NCOR1: variants seen among roughly 807,000 people sequenced by gnomAD.
The protein encoded by NCOR1 is protein phosphatase 1, regulatory subunit 109.
A neutral mutation model predicts 288.1 loss-of-function variants in NCOR1; 63 were observed. That is an observed-to-expected ratio of 0.22 (90% CI 0.18 to 0.27). NCOR1 has a LOEUF of 0.27. Among genes scored for constraint, NCOR1 ranks in the 10% least tolerant of loss-of-function variants. NCOR1 has a pLI of 1.00. For synonymous variants in NCOR1, 1,007 were observed against 1,065.9 expected, an observed-to-expected ratio of 0.94 and a Z score of 1.08; for missense variants, 2,397 against 3,019.2, an observed-to-expected ratio of 0.79 and a Z score of 4.83.
intron 2 of NCOR1, among the ~76,000 whole-genome samples, chr17:16,193,831 G>A (rs917131797): frequency 9.2e-5 from 14 of 152,078 alleles, no homozygotes; most frequent in Non-Finnish European, 1.9e-4. Flanking sequence ...GGAGGACCCT[G>A]TAGTACATTC....
chr17:16,179,996 A>G (rs1358852775), intron 3 of NCOR1, among the ~76,000 whole-genome samples: 1 of 151,194 alleles, frequency 6.6e-6, no homozygotes, highest in African/African-American at 2.4e-5. Context: ...TCAATAAAAT[A>G]TTAACAAACT....
intron 41 of NCOR1, among the ~76,000 whole-genome samples, chr17:16,048,290 C>T (rs919376857): frequency 3.3e-5 from 5 of 152,030 alleles, no homozygotes; most frequent in African/African-American, 9.7e-5. Flanking sequence ...AAGCTGAATG[C>T]GCAGCATACA....
chr17:16,201,058 G>A (rs1026006015), intron 1 of NCOR1, among the ~76,000 whole-genome samples: 7 of 151,996 alleles, frequency 4.6e-5, no homozygotes, highest in Non-Finnish European at 8.8e-5. Flanking sequence ...TCCCTTTGGG[G>A]GGAAAAAAAA....
At position 16,200,333 on chromosome 17, in the gene NCOR1, C is replaced by T. The variant is rs2090598948; in HGVS notation, c.-70-5694G>A. Among the ~76,000 whole-genome samples the T allele has an allele frequency of 2.6e-5, 4 of 151,108 alleles. No individual in the cohort carries two copies. The South Asian group carries it at 6.3e-4, about 24-fold the overall frequency. Reference sequence around the variant, plus strand: ...AAACTCCATCTCTACTAAAACACACCCACAAAAAAAAAAATTAGCCGGACA... The same window carrying T: ...AAACTCCATCTCTACTAAAACACACTCACAAAAAAAAAAATTAGCCGGACA... On this transcript the variant is annotated intron_variant, in intron 1 of 45. Coordinates refer to ENST00000268712, the MANE Select transcript of NCOR1 (RefSeq NM_006311.4).
At position 16,080,595 on chromosome 17, in the gene NCOR1, T is replaced by C; in HGVS notation, c.3298+12A>G. 1.2e-6 allele frequency: 2 copies of C among 1,614,136 alleles called. No individual in the cohort carries two copies. Among genetic ancestry groups the C allele is most frequent in the Non-Finnish European group, 1.7e-6 (2 of 1,180,000 alleles). ...AAACGTAGATGCATTATGACTGTAT[T>C]AACTCACTGACCTGATTTGGCAGAT... On this transcript the variant is annotated intron_variant, in intron 24 of 45. Coordinates refer to ENST00000268712, the MANE Select transcript of NCOR1 (RefSeq NM_006311.4).
chr17:16,119,234 AG>A (rs2072456329), intron 17 of NCOR1, among the ~76,000 whole-genome samples, 188 bp downstream of exon 17: 1 of 152,222 alleles, frequency 6.6e-6, no homozygotes, highest in Admixed American at 6.5e-5. Context: ...ATCTTAAACA[AG>A]GCACACTGGG....
intron 18 of NCOR1, among the ~76,000 whole-genome samples, chr17:16,113,618 C>A (rs765756359): frequency 6.6e-6 from 1 of 152,096 alleles, no homozygotes; most frequent in African/African-American, 2.4e-5. Flanking sequence ...TCTGGCCAGG[C>A]GCGGTGGCTC....
intron 19 of NCOR1, among the ~76,000 whole-genome samples, chr17:16,105,736 C>A (rs946866259): frequency 2.0e-5 from 3 of 151,966 alleles, no homozygotes; most frequent in African/African-American, 7.3e-5. Flanking sequence ...AACAAACAAA[C>A]AAACAAACAA....
intron 1 of NCOR1, among the ~76,000 whole-genome samples, chr17:16,199,863 T>C (rs1341306614): frequency 6.6e-6 from 1 of 152,224 alleles, no homozygotes; most frequent in Admixed American, 6.5e-5. Context: ...AATAATTATA[T>C]GTCACTGTCA....
chr17:16,091,084 A>G (rs1429450972), intron 22 of NCOR1, among the ~76,000 whole-genome samples: 1 of 152,212 alleles, frequency 6.6e-6, no homozygotes, highest in Non-Finnish European at 1.5e-5. Flanking sequence ...TTTTTAAAGA[A>G]AGTAAAAGTG....
intron 14 of NCOR1, among the ~76,000 whole-genome samples, chr17:16,127,609 ATG>A (rs1189602301): frequency 1.4e-5 from 2 of 143,590 alleles, no homozygotes; most frequent in East Asian, 4.0e-4. Context: ...ATACATACAT[ATG>A]TGTATGTGTA....
chr17:16,076,441 G>A (rs547263484), intron 26 of NCOR1, among the ~76,000 whole-genome samples: 95 of 152,148 alleles, frequency 6.2e-4, no homozygotes, highest in Admixed American at 1.1e-3. Flanking sequence ...GCCGGCCATC[G>A]GAAGTTGACA....
intron 22 of NCOR1, among the ~76,000 whole-genome samples, chr17:16,091,298 C>T (rs188256880): frequency 6.6e-6 from 1 of 152,284 alleles, no homozygotes; most frequent in Admixed American, 6.5e-5. Context: ...CCGAATGCTC[C>T]TTCCTTAACT....
chr17:16,137,456 A>T, intron 13 of NCOR1, 44 bp from the exon 14 acceptor site: 1 of 1,120,144 alleles, frequency 8.9e-7, no homozygotes, highest in East Asian at 2.7e-5. Flanking sequence ...CAATGAAATA[A>T]AGAAATTTTT....
At chr17:16,036,601 T>A (rs1489607618) in intron 44 of NCOR1, among the ~76,000 whole-genome samples, 1 of 152,254 alleles carries the variant, frequency 6.6e-6, no homozygotes, top group Non-Finnish European at 1.5e-5. Flanking sequence ...CTGCAACATC[T>A]TCATCAGCAC....
chr17:16,030,932 G>C lies in NCOR1; in HGVS notation c.*1364C>G, dbSNP rs1372587386. On this transcript the variant is annotated 3_prime_UTR_variant, in exon 46 of 46. Coordinates refer to ENST00000268712, the MANE Select transcript of NCOR1 (RefSeq NM_006311.4). ...AAAGTGCTAATTTTTATCATCCTGA[G>C]AGATCTGTTTCTCCCCTTTCCAGTT... is the stretch of plus-strand genomic sequence containing the variant. The C allele has an allele frequency of 1.5e-5, 3 of 195,098 alleles. No homozygotes were observed. Among genetic ancestry groups the C allele is most frequent in the Non-Finnish European group, 3.2e-5 (3 of 93,952 alleles). 12.1% of individuals were successfully genotyped at this position (195,098 alleles called of 1,614,324 possible).
At chr17:16,109,986 C>T (rs1336332580) in intron 18 of NCOR1, among the ~76,000 whole-genome samples, 1 of 152,212 alleles carries the variant, frequency 6.6e-6, no homozygotes. Flanking sequence ...CCCGCTTTGG[C>T]CTCCCAAAGT....
At chr17:16,145,684 C>A (rs1203336659) in intron 10 of NCOR1, among the ~76,000 whole-genome samples, 2 of 151,944 alleles carry the variant, frequency 1.3e-5, no homozygotes, top group African/African-American at 4.8e-5. Context: ...GGGGGCAGCC[C>A]CCGCCCAGCC....
rs1004064564 is a variant in NCOR1 at position 16,061,992 on chromosome 17, A to G, written c.5388-98T>C. On this transcript the variant is annotated intron_variant, in intron 36 of 45. Coordinates refer to ENST00000268712, the MANE Select transcript of NCOR1 (RefSeq NM_006311.4). ...GACAAACTGCAACAACAACAAAAAA[A>G]GCCTTCATGGCATGGGCAGAAAAGC... is the stretch of plus-strand genomic sequence containing the variant. 14 of 1,567,386 alleles carry G rather than the reference A, an allele frequency of 8.9e-6. No homozygotes were observed. In the African/African-American group the frequency reaches 1.9e-4, roughly 22 times the overall value.
Sources: allele counts gnomAD v4.1 joint callset (sites outside exome capture counted in the v4.1 genomes callset), GRCh38; gene constraint gnomAD v4.1.1; transcripts MANE v1.5; gene names NCBI Gene and HGNC (gene_info 2026-07-23, HGNC 2026-07-21).